PTPRJ: variants seen among roughly 807,000 people sequenced by gnomAD.
PTPRJ encodes protein tyrosine phosphatase receptor type J, also known as receptor-type tyrosine-protein phosphatase eta.
A neutral mutation model predicts 141.3 loss-of-function variants in PTPRJ; 129 were observed. That is an observed-to-expected ratio of 0.91 (90% CI 0.79 to 1.06). The LOEUF (loss-of-function observed/expected upper bound fraction) is 1.06, where lower values mean the gene tolerates loss of function less well. Among genes scored for constraint, PTPRJ ranks in the 50% least tolerant of loss-of-function variants. The probability of loss-of-function intolerance (pLI) is 0.00; values close to 1 mark genes in which losing one functional copy is unlikely to be tolerated. For missense variants in PTPRJ, 1,601 were observed against 1,679.7 expected, an observed-to-expected ratio of 0.95 and a Z score of 0.82; for synonymous variants, 610 against 640.5, an observed-to-expected ratio of 0.95 and a Z score of 0.72.
At chr11:47,991,943 C>T (rs1590387091) in intron 1 of PTPRJ, among the ~76,000 whole-genome samples, 1 of 152,310 alleles carries the variant, frequency 6.6e-6, no homozygotes, top group East Asian at 1.9e-4. Context: ...TGCTGAGACA[C>T]TGGCATAATT....
chr11:48,143,501 C>T (rs897305098), intron 12 of PTPRJ, among the ~76,000 whole-genome samples: 1 of 152,150 alleles, frequency 6.6e-6, no homozygotes, highest in Non-Finnish European at 1.5e-5. Context: ...CTGTCTCTCT[C>T]TCTCACTCTA....
intron 8 of PTPRJ, among the ~76,000 whole-genome samples, chr11:48,131,185 C>T (rs1016332321): frequency 4.8e-5 from 7 of 145,324 alleles, no homozygotes; most frequent in African/African-American, 1.3e-4. Context: ...TCAAGTGAAG[C>T]GATTCTTGTG....
At chr11:47,994,107 C>G (rs112832452) in intron 1 of PTPRJ, among the ~76,000 whole-genome samples, 1 of 151,614 alleles carries the variant, frequency 6.6e-6, no homozygotes, top group South Asian at 2.1e-4. Context: ...GCAATCCACC[C>G]GCTGCAGTCT....
Position 48,068,592 on chromosome 11 carries a change from T to C in PTPRJ, c.97-41466T>C, listed in dbSNP as rs147233669. ...TTTATAAATTACCCAGTCTCAGGTA[T>C]GTCTTCATTTGCAGCATGAGAACAG... On this transcript the variant is annotated intron_variant, in intron 1 of 24. Coordinates refer to ENST00000418331, the MANE Select transcript of PTPRJ (RefSeq NM_002843.4). Among the ~76,000 whole-genome samples, 19 of 152,340 alleles carry C rather than the reference T, an allele frequency of 1.2e-4. No individual in the cohort carries two copies. The East Asian group carries it at 3.3e-3, about 26-fold the overall frequency.
At chr11:47,989,105 G>C (rs945847319) in intron 1 of PTPRJ, among the ~76,000 whole-genome samples, 3 of 150,746 alleles carry the variant, frequency 2.0e-5, no homozygotes, top group African/African-American at 4.9e-5. Context: ...GGATGGTCTC[G>C]ATCTCCTGAC....
intron 1 of PTPRJ, among the ~76,000 whole-genome samples, chr11:47,993,415 C>G (rs1052033502): frequency 6.6e-6 from 1 of 152,132 alleles, no homozygotes; most frequent in Non-Finnish European, 1.5e-5. Flanking sequence ...GCCTCAGCCT[C>G]CTGAGAAGCT....
chr11:48,116,122 G>A (rs1279155534), intron 3 of PTPRJ, among the ~76,000 whole-genome samples: 1 of 149,710 alleles, frequency 6.7e-6, no homozygotes, highest in Admixed American at 6.7e-5. Context: ...GACATAGAGT[G>A]CGTGAATGGG....
chr11:48,145,137 C>T lies in PTPRJ; in HGVS notation c.2911+13C>T, dbSNP rs993343896. 6.2e-7 allele frequency: 1 copy of T among 1,613,496 alleles called. No individual in the cohort carries two copies. The highest frequency in any genetic ancestry group is 8.5e-7 in the Non-Finnish European group (1 of 1,179,978). The stretch of plus-strand genomic sequence containing the variant: ...CCCCAGGATCCAGGTAGGGAGAAGA[C>T]AACAGTCCTGGCACTGGTTCAGTGG... On this transcript the variant is annotated intron_variant, in intron 14 of 24. Transcript: ENST00000418331.
intron 1 of PTPRJ, among the ~76,000 whole-genome samples, chr11:48,075,049 A>T (rs939459545): frequency 4.6e-5 from 7 of 152,234 alleles, no homozygotes. Flanking sequence ...GGAGGAGAAC[A>T]TGAAGAATAG....
Position 48,039,033 on chromosome 11 carries a change from C to T in PTPRJ, c.96+58025C>T, listed in dbSNP as rs1406222051. Among the ~76,000 whole-genome samples the T allele has an allele frequency of 2.6e-5, 4 of 151,084 alleles. 1 individual carries two copies. The highest frequency in any genetic ancestry group is 2.0e-4 in the Admixed American group (3 of 15,176). ...GGTGTGGTGGCGGGTGCCTGTAGTC[C>T]CAGCTACTTGGGAGGCTGAGGCAGG... On this transcript the variant is annotated intron_variant, in intron 1 of 24. Transcript: ENST00000418331.
chr11:48,016,802 A>G (rs1415462818), intron 1 of PTPRJ, among the ~76,000 whole-genome samples: 1 of 152,142 alleles, frequency 6.6e-6, no homozygotes. Context: ...ATAATAGTGA[A>G]CATTTAAGGA....
At chr11:48,164,162 C>T (rs2134389555) in intron 23 of PTPRJ, among the ~76,000 whole-genome samples, 1 of 152,314 alleles carries the variant, frequency 6.6e-6, no homozygotes, top group Non-Finnish European at 1.5e-5. Context: ...ATATGTGTGG[C>T]ATCTGACTCA....
At chr11:48,105,385 A>G (rs1026334341) in intron 1 of PTPRJ, among the ~76,000 whole-genome samples, 1 of 152,098 alleles carries the variant, frequency 6.6e-6, no homozygotes, top group African/African-American at 2.4e-5. Flanking sequence ...ATGGACGGAG[A>G]GGGTCTCAGA....
rs185393137 is a variant in PTPRJ at position 48,071,804 on chromosome 11, A to G, written c.97-38254A>G. Among the ~76,000 whole-genome samples, 1,249 of 144,888 alleles carry G rather than the reference A, an allele frequency of 8.6e-3. 13 individuals carry two copies. The highest frequency in any genetic ancestry group is 0.015 in the Non-Finnish European group (1,016 of 66,918). ...TTTTCAGTAGAGACGGGGTTTCACC[A>G]TGTTGTCCAGGATGGTCTCGATCTC... On this transcript the variant is annotated intron_variant, in intron 1 of 24. Coordinates refer to ENST00000418331, the MANE Select transcript of PTPRJ (RefSeq NM_002843.4).
chr11:48,026,033 C>T (rs1853800057), intron 1 of PTPRJ, among the ~76,000 whole-genome samples: 1 of 152,210 alleles, frequency 6.6e-6, no homozygotes, highest in Non-Finnish European at 1.5e-5. Flanking sequence ...GGCTACCCTC[C>T]CGACTCTGTA....
At position 48,153,888 on chromosome 11, in the gene PTPRJ, T is replaced by G; in HGVS notation, c.3229+2T>G. On this transcript the variant is annotated splice_donor_variant, in intron 19 of 24. Coordinates refer to ENST00000418331, the MANE Select transcript of PTPRJ (RefSeq NM_002843.4). LOFTEE classifies it high-confidence loss of function. ...ATCGCTATAATAATGTTCTGCCCTGTAAGTTATTTTATCTACAGCATCTTC... is the reference window on the plus strand; with the variant it reads ...ATCGCTATAATAATGTTCTGCCCTGGAAGTTATTTTATCTACAGCATCTTC... 6.3e-7 allele frequency: 1 copy of G among 1,593,614 alleles called. No homozygotes were observed. Among genetic ancestry groups the G allele is most frequent in the East Asian group, 2.2e-5 (1 of 44,732 alleles).
At chr11:48,136,345 C>T (rs1857103388) in intron 9 of PTPRJ, 49 bp downstream of exon 9, 1 of 1,583,488 alleles carries the variant, frequency 6.3e-7, no homozygotes, top group Non-Finnish European at 8.6e-7. Flanking sequence ...CTAACTGTCT[C>T]TTGGAGGAGG....
chr11:48,163,421 T>C, intron 22 of PTPRJ, 37 bp from the exon 23 acceptor site: 1 of 369,722 alleles, frequency 2.7e-6, no homozygotes, highest in Non-Finnish European at 4.5e-6. Flanking sequence ...TTAGGCAGCC[T>C]TTCTGTCTGG....
chr11:48,148,604 T>C (rs553002741), intron 15 of PTPRJ, among the ~76,000 whole-genome samples: 53 of 151,904 alleles, frequency 3.5e-4, no homozygotes, highest in African/African-American at 1.1e-3. Flanking sequence ...TGCCTGGCTA[T>C]TTTTTTTGTA....
Sources: allele counts gnomAD v4.1 joint callset (sites outside exome capture counted in the v4.1 genomes callset), GRCh38; gene constraint gnomAD v4.1.1; transcripts MANE v1.5; gene names NCBI Gene and HGNC (gene_info 2026-07-23, HGNC 2026-07-21).